Variants in FRAS1 observed in about 807,000 individuals in gnomAD.
FRAS1 encodes Fraser extracellular matrix complex subunit 1, also known as extracellular matrix organizing protein FRAS1.
A neutral mutation model predicts 435.2 loss-of-function variants in FRAS1; 290 were observed. That is an observed-to-expected ratio of 0.67 (90% CI 0.61 to 0.73). FRAS1 has a LOEUF of 0.73. FRAS1 is among the 30% of genes least tolerant of loss of function. FRAS1 has a pLI of 0.00. For missense variants in FRAS1, 4,860 were observed against 5,001.5 expected (o/e 0.97, Z 0.85); for synonymous variants, 1,800 against 1,851.0 (o/e 0.97, Z 0.71).
chr4:78,227,086 T>C (rs926292552), intron 2 of FRAS1, among the ~76,000 whole-genome samples: 10 of 152,248 alleles, frequency 6.6e-5, no homozygotes, highest in African/African-American at 2.4e-4. Context: ...GTATCTATTG[T>C]CTTTCATTAT....
At chr4:78,182,927 T>C (rs1440674889) in intron 2 of FRAS1, among the ~76,000 whole-genome samples, 2 of 148,698 alleles carry the variant, frequency 1.3e-5, no homozygotes, top group African/African-American at 4.9e-5. Flanking sequence ...GACAGAGAAC[T>C]GTGTGAGTCT....
chr4:78,061,820 C>T (rs1739773225), intron 1 of FRAS1, among the ~76,000 whole-genome samples: 1 of 152,200 alleles, frequency 6.6e-6, no homozygotes, highest in Admixed American at 6.5e-5. Context: ...ACCTCCTGCG[C>T]TCAAGGAGTT....
chr4:78,527,482 G>A (rs1157207137), intron 70 of FRAS1, among the ~76,000 whole-genome samples: 4 of 152,196 alleles, frequency 2.6e-5, no homozygotes, highest in African/African-American at 7.2e-5. Context: ...TAGGAGCTGA[G>A]CAAAGTATAT....
At chr4:78,165,033 T>C (rs1578161965) in intron 2 of FRAS1, among the ~76,000 whole-genome samples, 1 of 152,176 alleles carries the variant, frequency 6.6e-6, no homozygotes, top group Non-Finnish European at 1.5e-5. Flanking sequence ...AAAAGATAAA[T>C]TTAGAATGAT....
intron 20 of FRAS1, among the ~76,000 whole-genome samples, chr4:78,347,434 C>G (rs1411191368): frequency 6.6e-6 from 1 of 152,202 alleles, no homozygotes; most frequent in African/African-American, 2.4e-5. Flanking sequence ...CTCTTTGACA[C>G]TGAAAACTTG....
At chr4:78,516,303 G>A (rs1241500252) in intron 66 of FRAS1, among the ~76,000 whole-genome samples, 5 of 152,168 alleles carry the variant, frequency 3.3e-5, no homozygotes, top group Admixed American at 3.3e-4. Flanking sequence ...TATTTATAAT[G>A]CATATATTTT....
At chr4:78,296,795 T>C (rs1190199420) in intron 14 of FRAS1, among the ~76,000 whole-genome samples, 1 of 152,186 alleles carries the variant, frequency 6.6e-6, no homozygotes, top group African/African-American at 2.4e-5. Context: ...TTTGCTCCCT[T>C]TAAAATTACT....
At chr4:78,414,303 G>A (rs1436188556) in intron 32 of FRAS1, among the ~76,000 whole-genome samples, 1 of 152,200 alleles carries the variant, frequency 6.6e-6, no homozygotes, top group Non-Finnish European at 1.5e-5. Context: ...GTTATTTTGA[G>A]TTTGGAGGAA....
chr4:78,220,938 C>G (rs984244092), intron 2 of FRAS1, among the ~76,000 whole-genome samples: 6 of 152,170 alleles, frequency 3.9e-5, no homozygotes, highest in South Asian at 2.1e-4. Context: ...GAGGCTGAGG[C>G]GGGCAGATGG....
At chr4:78,336,173 A>G (rs1408089187) in intron 19 of FRAS1, among the ~76,000 whole-genome samples, 1 of 152,098 alleles carries the variant, frequency 6.6e-6, no homozygotes, top group African/African-American at 2.4e-5. Flanking sequence ...TCAATATTAT[A>G]TTTGTTCTGG....
chr4:78,183,170 G>T (rs1722108256), intron 2 of FRAS1, among the ~76,000 whole-genome samples: 1 of 152,182 alleles, frequency 6.6e-6, no homozygotes, highest in South Asian at 2.1e-4. Flanking sequence ...TCTTGGGTTG[G>T]CATGGGAAGG....
chr4:78,243,943 G>C (rs1725120637), intron 3 of FRAS1, among the ~76,000 whole-genome samples: 1 of 152,000 alleles, frequency 6.6e-6, no homozygotes, highest in African/African-American at 2.4e-5. Context: ...TTCTCTAATT[G>C]TTTTAGTGGA....
chr4:78,186,014 T>C (rs75519730), intron 2 of FRAS1, among the ~76,000 whole-genome samples: 2,992 of 152,338 alleles, frequency 0.02, 81 homozygotes, highest in African/African-American at 0.061. Context: ...TAAGGTTGAA[T>C]ATTCCACAGT....
At chr4:78,251,781 A>G (rs1725541991) in intron 4 of FRAS1, among the ~76,000 whole-genome samples, 2 of 152,226 alleles carry the variant, frequency 1.3e-5, no homozygotes, top group Admixed American at 6.5e-5. Flanking sequence ...GGAAGGGCTG[A>G]GCTGGGATCT....
chr4:78,229,293 C>T (rs1724412164), intron 2 of FRAS1, among the ~76,000 whole-genome samples: 1 of 151,806 alleles, frequency 6.6e-6, no homozygotes, highest in Admixed American at 6.6e-5. Context: ...CCAGAGGTGC[C>T]CTCTTTGTCC....
intron 4 of FRAS1, among the ~76,000 whole-genome samples, chr4:78,245,638 A>G (rs1725207487): frequency 6.6e-6 from 1 of 152,210 alleles, no homozygotes; most frequent in South Asian, 2.1e-4. Flanking sequence ...AGTTACAAAC[A>G]ATCCTGAGCT....
At chr4:78,123,016 A>G (rs1034424394) in intron 2 of FRAS1, among the ~76,000 whole-genome samples, 12 of 152,102 alleles carry the variant, frequency 7.9e-5, no homozygotes, top group African/African-American at 2.9e-4. Context: ...TTTTGTTGCC[A>G]TTGCTTTTGG....
intron 6 of FRAS1, among the ~76,000 whole-genome samples, chr4:78,261,776 A>T (rs1318172601): frequency 6.6e-6 from 1 of 152,146 alleles, no homozygotes; most frequent in East Asian, 1.9e-4. Flanking sequence ...CTAAAAAAAC[A>T]CTCAGGTTTA....
intron 73 of FRAS1, 23 bp from the exon 74 acceptor site, chr4:78,540,508 A>T (rs773817583): frequency 6.9e-7 from 1 of 1,454,858 alleles, no homozygotes; most frequent in Non-Finnish European, 9.2e-7. Context: ...CAACAACAAC[A>T]TGTTCGGTTT....
Sources: gnomAD v4.1 joint callset for allele counts (sites outside exome capture counted in the v4.1 genomes callset) on GRCh38, gnomAD v4.1.1 for gene constraint, MANE v1.5 for transcripts, NCBI Gene and HGNC (gene_info 2026-07-23, HGNC 2026-07-21) for gene names.